The following KCNMB1 variants were observed in gnomAD, a reference collection of about 807,000 sequenced individuals.
KCNMB1 encodes the protein potassium calcium-activated channel subfamily M regulatory beta subunit 1.
Under a neutral mutation model 21.7 loss-of-function variants are expected in KCNMB1, and 22 were observed. The ratio of observed to expected loss-of-function variants is 1.01; its 90% confidence interval spans 0.72 to 1.45. The LOEUF is 1.45. Among genes scored for constraint, KCNMB1 ranks in the 40% most tolerant of loss-of-function variants. KCNMB1 has a pLI of 0.00. For missense variants in KCNMB1, 243 were observed against 243.4 expected (o/e 1.00, Z 0.01); for synonymous variants, 114 against 107.6 (o/e 1.06, Z -0.37).
intron 3 of KCNMB1, among the ~76,000 whole-genome samples, chr5:170,379,198 G>A (rs1454970367): frequency 6.6e-6 from 1 of 152,122 alleles, no homozygotes; most frequent in Admixed American, 6.5e-5. Flanking sequence ...CGGGGTACAG[G>A]CTACACACCT....
At chr5:170,388,673 T>G (rs1764586167) in intron 1 of KCNMB1, among the ~76,000 whole-genome samples, 1 of 152,188 alleles carries the variant, frequency 6.6e-6, no homozygotes, top group Admixed American at 6.5e-5. Flanking sequence ...TTGAACAGTT[T>G]GGTGGGGTGT....
At position 170,382,717 on chromosome 5, in the gene KCNMB1, G is replaced by T. The variant is rs968769227; in HGVS notation, c.306+962C>A. The T allele has an allele frequency of 2.7e-5, 4 of 148,636 alleles. No homozygotes were observed. In the Admixed American group the frequency reaches 2.7e-4, roughly 10 times the overall value. The allele number at this position is 148,636 out of a possible 1,614,324, so 9.2% of individuals were successfully genotyped here. On this transcript the variant is annotated intron_variant, in intron 3 of 3. Transcript: ENST00000274629. ...CTTGTTGCCAGGCTGGAGTGCAATGGTGCAATCTCACCAAGAGCCTTTCTG... is the reference window on the plus strand; with the variant it reads ...CTTGTTGCCAGGCTGGAGTGCAATGTTGCAATCTCACCAAGAGCCTTTCTG...
In KCNMB1 at chr5:170,378,610, G is replaced by T; in HGVS notation, c.*94C>A. On this transcript the variant is annotated 3_prime_UTR_variant, in exon 4 of 4. Transcript: ENST00000274629. ...TTGGACTGGAAGAGTGGGAGGGCAGGTGGAGAAGGCATTGTGCTGCAAGTG... is the reference window on the plus strand; with the variant it reads ...TTGGACTGGAAGAGTGGGAGGGCAGTTGGAGAAGGCATTGTGCTGCAAGTG... 3 of 1,306,272 alleles carry T rather than the reference G, an allele frequency of 2.3e-6. No individual in the cohort carries two copies. The highest frequency in any genetic ancestry group is 1.4e-5 in the South Asian group (1 of 70,470). 80.9% of individuals were successfully genotyped at this position (1,306,272 alleles called of 1,614,324 possible).
intron 1 of KCNMB1, among the ~76,000 whole-genome samples, chr5:170,385,750 G>GA (rs907316512): frequency 7.2e-5 from 11 of 151,998 alleles, no homozygotes; most frequent in African/African-American, 2.7e-4. Context: ...GGCCCCCCAA[G>GA]ATGTCTATGT....
chr5:170,381,159 G>A (rs1764223368), intron 3 of KCNMB1, among the ~76,000 whole-genome samples: 1 of 152,070 alleles, frequency 6.6e-6, no homozygotes. Context: ...TTTATGCTGG[G>A]CCTGTTTGGC....
intron 2 of KCNMB1, 136 bp downstream of exon 2, chr5:170,385,178 A>C: frequency 1.0e-6 from 1 of 962,624 alleles, no homozygotes; most frequent in Non-Finnish European, 1.6e-6. Flanking sequence ...CCTAGAACCT[A>C]AGAATGAGCA....
At chr5:170,387,003 G>T (rs114995604) in intron 1 of KCNMB1, among the ~76,000 whole-genome samples, 1 of 152,032 alleles carries the variant, frequency 6.6e-6, no homozygotes, top group Non-Finnish European at 1.5e-5. Flanking sequence ...AATCTATGCC[G>T]CCTGGAGCCA....
intron 3 of KCNMB1, 52 bp downstream of exon 3, chr5:170,383,627 C>T (rs1204292818): frequency 2.5e-6 from 4 of 1,597,374 alleles, no homozygotes; most frequent in East Asian, 2.2e-5. Flanking sequence ...GGAACAGGCT[C>T]ACACACCTGA....
chr5:170,380,634 G>T (rs1388537468), intron 3 of KCNMB1, among the ~76,000 whole-genome samples: 1 of 152,214 alleles, frequency 6.6e-6, no homozygotes, highest in Admixed American at 6.5e-5. Context: ...GGAGACGCTG[G>T]CTCCTCAGGA....
chr5:170,387,760 T>C (rs1386496099), intron 1 of KCNMB1, among the ~76,000 whole-genome samples: 1 of 152,186 alleles, frequency 6.6e-6, no homozygotes, highest in East Asian at 1.9e-4. Context: ...TGAACAAGAC[T>C]CTCCATGTAT....
intron 1 of KCNMB1, among the ~76,000 whole-genome samples, chr5:170,388,672 T>G (rs1330164062): frequency 6.6e-6 from 1 of 152,122 alleles, no homozygotes; most frequent in Non-Finnish European, 1.5e-5. Flanking sequence ...GTTGAACAGT[T>G]TGGTGGGGTG....
chr5:170,384,741 C>T (rs1764395543), intron 2 of KCNMB1, among the ~76,000 whole-genome samples: 1 of 152,210 alleles, frequency 6.6e-6, no homozygotes, highest in East Asian at 1.9e-4. Flanking sequence ...CTTAAAATCT[C>T]AAGTGGTTGA....
rs1447324638 is a variant in KCNMB1, at chr5:170,378,242, G to A, written c.*462C>T. ...TTATATCCTAGAAAATAGTAATACT[G>A]TAAATGTGTTCTAGAAATGGGAGCT... On this transcript the variant is annotated 3_prime_UTR_variant, in exon 4 of 4. Coordinates refer to ENST00000274629, the MANE Select transcript of KCNMB1 (RefSeq NM_004137.4). 1 of 157,308 alleles carries A rather than the reference G, an allele frequency of 6.4e-6. No homozygotes were observed. Among genetic ancestry groups the A allele is most frequent in the Non-Finnish European group, 1.4e-5 (1 of 71,778 alleles). The allele number at this position is 157,308 out of a possible 1,614,324, so 9.7% of individuals were successfully genotyped here.
Position 170,376,388 on chromosome 5 carries a change from C to T in KCNMB1, c.*2316G>A, listed in dbSNP as rs1380179851. 1 of 151,956 alleles carries T rather than the reference C, an allele frequency of 6.6e-6. No individual in the cohort carries two copies. Among genetic ancestry groups the T allele is most frequent in the Non-Finnish European group, 1.5e-5 (1 of 68,022 alleles). 9.4% of individuals were successfully genotyped at this position (151,956 alleles called of 1,614,324 possible). On this transcript the variant is annotated 3_prime_UTR_variant, in exon 4 of 4. Transcript: ENST00000274629. ...CCGTGTTAGCCAGGATGGTCTCGAT[C>T]TCCTGACCTCGTGATCTGCCCACCT... is the stretch of plus-strand genomic sequence containing the variant.
Position 170,383,866 on chromosome 5 carries a change from A to G in KCNMB1, c.135-16T>C, listed in dbSNP as rs943401105. The G allele has an allele frequency of 6.2e-7, 1 of 1,612,884 alleles. No homozygotes were observed. The highest frequency in any genetic ancestry group is 1.1e-5 in the South Asian group (1 of 90,866). On this transcript the variant is annotated splice_polypyrimidine_tract_variant and intron_variant, in intron 2 of 3. Transcript: ENST00000274629. ...GGTCCACACGCTGAGGAGACCACAC[A>G]CATGCACACATACACATCTCAGAAC... is the stretch of plus-strand genomic sequence containing the variant.
Position 170,383,746 on chromosome 5 carries a change from T to C in KCNMB1, c.239A>G (p.Asn80Ser), listed in dbSNP as rs1288928819. Residue 80 changes from asparagine (N) to serine (S), a missense_variant, in exon 3 of 4, where the codon AAC (asparagine) becomes AGC (serine). By Grantham distance (46) the Asn-to-Ser change is conservative. Transcript: ENST00000274629. ...AGCCCACCTGCCGGCAGCTGACACGTTGACCCACAGGCATGGGTACTGGGG... is the reference window on the plus strand; with the variant it reads ...AGCCCACCTGCCGGCAGCTGACACGCTGACCCACAGGCATGGGTACTGGGG... ...KVPQYPCLWV[N>S]VSAAGRWAVL... 6.2e-7 allele frequency: 1 copy of C among 1,614,206 alleles called. No homozygotes were observed.
At chr5:170,379,444 G>A (rs1007387219) in intron 3 of KCNMB1, among the ~76,000 whole-genome samples, 1 of 152,164 alleles carries the variant, frequency 6.6e-6, no homozygotes, top group East Asian at 1.9e-4. Flanking sequence ...TTGCCTACAG[G>A]GCTCATGAAG....
chr5:170,378,529 A>G lies in KCNMB1; in HGVS notation c.*175T>C. The G allele has an allele frequency of 1.3e-6, 1 of 747,076 alleles. No homozygotes were observed. The highest frequency in any genetic ancestry group is 2.2e-6 in the Non-Finnish European group (1 of 456,400). 46.3% of individuals were successfully genotyped at this position (747,076 alleles called of 1,614,324 possible). On this transcript the variant is annotated 3_prime_UTR_variant, in exon 4 of 4. Transcript: ENST00000274629. The stretch of plus-strand genomic sequence containing the variant: ...GCCACTGTACATTCTTGAGCAGGCA[A>G]TGACTTCACAAAAGGATTTCTCAAA...
At chr5:170,379,893 A>T (rs1191117815) in intron 3 of KCNMB1, among the ~76,000 whole-genome samples, 1 of 152,014 alleles carries the variant, frequency 6.6e-6, no homozygotes, top group Non-Finnish European at 1.5e-5. Flanking sequence ...TGGAGGCTGC[A>T]GTGAGCTATG....
Sources: allele counts gnomAD v4.1 joint callset (sites outside exome capture counted in the v4.1 genomes callset), GRCh38; gene constraint gnomAD v4.1.1; transcripts MANE v1.5; gene names NCBI Gene and HGNC (gene_info 2026-07-23, HGNC 2026-07-21).